Variants in DZIP1 observed in about 807,000 individuals in gnomAD.
DZIP1 encodes the protein DAZ interacting zinc finger protein 1.
Under a neutral mutation model 107.6 loss-of-function variants are expected in DZIP1, and 97 were observed. The observed-to-expected ratio is 0.90, with a 90% CI of 0.77 to 1.07. The LOEUF (loss-of-function observed/expected upper bound fraction) is 1.07, where lower values mean the gene tolerates loss of function less well. DZIP1 is among the 50% of genes least tolerant of loss of function. The pLI is 0.00. For synonymous variants in DZIP1, 390 were observed against 386.4 expected, an observed-to-expected ratio of 1.01 and a Z score of -0.11; for missense variants, 1,035 against 1,063.6, an observed-to-expected ratio of 0.97 and a Z score of 0.37.
chr13:95,624,773 C>A lies in DZIP1; in HGVS notation c.967G>T (p.Glu323Ter). 2 of 1,595,560 alleles carry A rather than the reference C, an allele frequency of 1.3e-6. No individual in the cohort carries two copies. Among genetic ancestry groups the A allele is most frequent in the Admixed American group, 1.7e-5 (1 of 57,502 alleles). The part of the protein sequence containing the change: ...KELTSKNSAL[E>*]YQLSEIQKSN... ...CTTCTAGGTTTAATACTTACATATT[C>A]TAATGCTGAATTCTTCGAAGTTAAT... The change falls in exon 8 of 23, where the codon GAA becomes TAA. Residue 323 changes from glutamate (E) to a stop codon, truncating the protein, a stop_gained. Coordinates refer to ENST00000376829, the MANE Select transcript of DZIP1 (RefSeq NM_198968.4). LOFTEE classifies it high-confidence loss of function.
intron 22 of DZIP1, among the ~76,000 whole-genome samples, chr13:95,582,931 C>A (rs1000931689): frequency 6.6e-6 from 1 of 152,150 alleles, no homozygotes; most frequent in Admixed American, 6.5e-5. Flanking sequence ...CACTCTAATG[C>A]CAACAGGTCT....
chr13:95,585,561 G>T (rs1372404262), intron 21 of DZIP1, among the ~76,000 whole-genome samples: 1 of 152,154 alleles, frequency 6.6e-6, no homozygotes, highest in African/African-American at 2.4e-5. Context: ...AGAACCACTG[G>T]GAAAATGTTT....
rs753956710 is a variant in DZIP1, at chr13:95,641,752, G to T, written c.140C>A (p.Pro47His). The T allele has an allele frequency of 1.3e-6, 2 of 1,586,960 alleles. No individual in the cohort carries two copies. Among genetic ancestry groups the T allele is most frequent in the East Asian group, 2.2e-5 (1 of 44,756 alleles). Residue 47 changes from proline (P) to histidine (H), a missense_variant, in exon 5 of 23, where the codon CCC becomes CAC. Physicochemically the swap from Pro to His is moderately conservative, Grantham distance 77. Coordinates refer to ENST00000376829, the MANE Select transcript of DZIP1 (RefSeq NM_198968.4). This position sits in a 1 kb window ranked among gnomAD's most constrained non-coding sequence, Gnocchi z 4.3. Reference protein sequence around the residue: ...AAGAASMACAPPSAASGPLPF... With the variant: ...AAGAASMACAHPSAASGPLPF... Reference sequence around the variant, plus strand: ...CAGGGGCCCCGAAGCCGCGCTGGGGGGCGCACAGGCCATGGAGGCCGCACC... The same window carrying T: ...CAGGGGCCCCGAAGCCGCGCTGGGGTGCGCACAGGCCATGGAGGCCGCACC...
intron 10 of DZIP1, among the ~76,000 whole-genome samples, chr13:95,616,009 A>G (rs1409652801): frequency 6.6e-6 from 1 of 152,184 alleles, no homozygotes; most frequent in Non-Finnish European, 1.5e-5. Context: ...CTGAGAGCCG[A>G]TATGAGTCAG....
Position 95,589,886 on chromosome 13 carries a change from T to C in DZIP1, c.1890A>G (p.Val630=). The stretch of plus-strand genomic sequence containing the variant: ...TGGAAGGAAGTTGTATCATTTTGGG[T>C]ACTTCTCCAGTTGAAAGGGTATCCA... The part of the protein sequence containing the change: ...SQMDTLSTGE[V]PKMIQLPSKN... Residue 630 remains valine (V), a synonymous_variant, in exon 18 of 23, where the codon GTA becomes GTG. Coordinates refer to ENST00000376829, the MANE Select transcript of DZIP1 (RefSeq NM_198968.4). 6.2e-7 allele frequency: 1 copy of C among 1,614,206 alleles called. No homozygotes were observed. Among genetic ancestry groups the C allele is most frequent in the Non-Finnish European group, 8.5e-7 (1 of 1,180,022 alleles).
At chr13:95,582,499 C>T (rs7324781) in intron 22 of DZIP1, among the ~76,000 whole-genome samples, 186 bp from the exon 23 acceptor site, 96,361 of 151,964 alleles carry the variant, frequency 0.63, 31,685 homozygotes, top group African/African-American at 0.81. Context: ...CAACTGTGAA[C>T]TGGTCGCATC....
At chr13:95,595,310 TTAAA>T (rs1427494456) in intron 15 of DZIP1, among the ~76,000 whole-genome samples, 3 of 152,356 alleles carry the variant, frequency 2.0e-5, no homozygotes, top group African/African-American at 2.4e-5. Context: ...AATATTTCTA[TTAAA>T]TAAATAGATG....
chr13:95,599,046 CGT>C (rs1389886046), intron 15 of DZIP1, among the ~76,000 whole-genome samples: 1 of 152,102 alleles, frequency 6.6e-6, no homozygotes, highest in African/African-American at 2.4e-5. Context: ...GTACACAACA[CGT>C]GTGTGTCTAT....
intron 5 of DZIP1, among the ~76,000 whole-genome samples, chr13:95,638,859 A>C (rs903394385): frequency 6.6e-6 from 1 of 152,318 alleles, no homozygotes; most frequent in Middle Eastern, 3.4e-3. Context: ...CAATTTCTCA[A>C]AGGTAAAACT....
At chr13:95,624,414 T>G (rs577686104) in intron 8 of DZIP1, among the ~76,000 whole-genome samples, 8 of 152,346 alleles carry the variant, frequency 5.3e-5, no homozygotes, top group African/African-American at 1.9e-4. Context: ...TTAGCCTTTC[T>G]GGGTCTGCTT....
At chr13:95,600,590 T>TGATAGATA (rs1555306564) in intron 14 of DZIP1, among the ~76,000 whole-genome samples, 6,486 of 141,640 alleles carry the variant, frequency 0.046, 164 homozygotes, top group East Asian at 0.052. Context: ...GATAGATAGA[T>TGATAGATA]GATAGATAGA....
chr13:95,603,689 T>G (rs1324012016), intron 14 of DZIP1, among the ~76,000 whole-genome samples: 1 of 152,216 alleles, frequency 6.6e-6, no homozygotes, highest in Non-Finnish European at 1.5e-5. Flanking sequence ...AAAATTTATT[T>G]GAGGTTTGTC....
chr13:95,586,690 A>G (rs1359733197), intron 20 of DZIP1, among the ~76,000 whole-genome samples: 2 of 151,306 alleles, frequency 1.3e-5, no homozygotes, highest in Admixed American at 1.3e-4. Context: ...ATACAATATA[A>G]ATTACATCCA....
chr13:95,624,635 A>G (rs929810678), intron 8 of DZIP1, 133 bp downstream of exon 8: 8 of 830,262 alleles, frequency 9.6e-6, no homozygotes, highest in Non-Finnish European at 1.5e-5. Flanking sequence ...TGCCTCCCTC[A>G]AGACTCTCAG....
At chr13:95,591,619 C>T (rs981868024) in intron 16 of DZIP1, among the ~76,000 whole-genome samples, 5 of 152,138 alleles carry the variant, frequency 3.3e-5, no homozygotes, top group African/African-American at 7.2e-5. Flanking sequence ...CTCAGTTATT[C>T]AATCAACCCC....
rs554454725 is a variant in DZIP1, at chr13:95,584,767, G to A, written c.2493C>T (p.Gly831=). 2.2e-5 allele frequency: 35 copies of A among 1,613,730 alleles called. No homozygotes were observed. Among genetic ancestry groups the A allele is most frequent in the African/African-American group, 1.1e-4 (8 of 74,876 alleles). ...CCTTTGGCCCCTTAGGATTAAATGC[G>A]CCCCAGGCATTTAGCACATGAGCAA... ...PHFAHVLNAW[G]AFNPKGPKGE... is the part of the protein sequence containing the mutation. Residue 831 remains glycine, a synonymous_variant, in exon 22 of 23, where the codon GGC becomes GGT. Transcript: ENST00000376829.
In DZIP1 at chr13:95,589,843, T is replaced by C. The variant is rs2044263517; in HGVS notation, c.1933A>G (p.Arg645Gly). ...QLPSKNRQLIRQKAVSTDRTS... is the reference protein window; with the variant it reads ...QLPSKNRQLIGQKAVSTDRTS... ...CTATCAGTAGAAACAGCTTTTTGTCTAATCAGTTGTCTGTTTTTGGAAGGA... is the reference window on the plus strand; with the variant it reads ...CTATCAGTAGAAACAGCTTTTTGTCCAATCAGTTGTCTGTTTTTGGAAGGA... The change falls in exon 18 of 23, where the codon AGA becomes GGA. Residue 645 changes from arginine (R) to glycine (G), a missense_variant. Transcript: ENST00000376829. 1 of 1,614,192 alleles carries C rather than the reference T, an allele frequency of 6.2e-7. No individual in the cohort carries two copies. The highest frequency in any genetic ancestry group is 8.5e-7 in the Non-Finnish European group (1 of 1,180,030).
rs150737062 is a variant in DZIP1 at position 95,606,123 on chromosome 13, G to C, written c.1421-64C>G. On this transcript the variant is annotated intron_variant, in intron 13 of 22. Transcript: ENST00000376829. ...AATTAAAGCATAAGCATCCGAACATGATGGTAGCCAAATATGCCGCAAACT... is the reference window on the plus strand; with the variant it reads ...AATTAAAGCATAAGCATCCGAACATCATGGTAGCCAAATATGCCGCAAACT... The C allele has an allele frequency of 1.4e-3, 2,095 of 1,538,846 alleles. 5 individuals are homozygous for C. Among genetic ancestry groups the C allele is most frequent in the Middle Eastern group, 0.011 (63 of 5,912 alleles).
At chr13:95,613,269 T>C (rs1383941018) in intron 10 of DZIP1, among the ~76,000 whole-genome samples, 2 of 152,136 alleles carry the variant, frequency 1.3e-5, no homozygotes, top group Non-Finnish European at 2.9e-5. Flanking sequence ...TCCCAGCACT[T>C]TGGGAGGCTG....
Sources: gnomAD v4.1 joint callset for allele counts (sites outside exome capture counted in the v4.1 genomes callset) on GRCh38, gnomAD v4.1.1 for gene constraint, Gnocchi (gnomAD v3.1) non-coding constraint, MANE v1.5 for transcripts, NCBI Gene and HGNC (gene_info 2026-07-23, HGNC 2026-07-21) for gene names.